Variants in L2HGDH observed in about 807,000 individuals in gnomAD.
L2HGDH encodes the protein L-2-hydroxyglutarate dehydrogenase, mitochondrial.
L2HGDH carries 34 observed loss-of-function variants against 51.5 expected under a neutral mutation model. That is an observed-to-expected ratio of 0.66 (90% CI 0.50 to 0.88). L2HGDH has a LOEUF of 0.88. L2HGDH is among the 40% of genes least tolerant of loss of function. The probability of loss-of-function intolerance (pLI) is 0.00; values close to 1 mark genes in which losing one functional copy is unlikely to be tolerated. For missense variants in L2HGDH, 558 were observed against 571.9 expected, an observed-to-expected ratio of 0.98 and a Z score of 0.25; for synonymous variants, 198 against 197.9, an observed-to-expected ratio of 1.00 and a Z score of -0.01.
In L2HGDH at chr14:50,284,050, A is replaced by G. The variant is rs1890427686; in HGVS notation, c.541-17T>C. The G allele has an allele frequency of 6.2e-7, 1 of 1,605,200 alleles. No individual in the cohort carries two copies. The highest frequency in any genetic ancestry group is 1.1e-5 in the South Asian group (1 of 90,902). On this transcript the variant is annotated splice_polypyrimidine_tract_variant and intron_variant, in intron 4 of 9. Transcript: ENST00000267436. ...CATTAGACCCTGAAACAGAATTATG[A>G]AAAGATAACAGATAAGAGAAATAAT...
intron 9 of L2HGDH, among the ~76,000 whole-genome samples, chr14:50,248,891 G>A (rs1888167519): frequency 6.6e-6 from 1 of 152,192 alleles, no homozygotes; most frequent in African/African-American, 2.4e-5. Flanking sequence ...TTTGAAAGAG[G>A]CATTGAGGAG....
At chr14:50,287,884 G>T (rs143820386) in intron 4 of L2HGDH, among the ~76,000 whole-genome samples, 1 of 151,784 alleles carries the variant, frequency 6.6e-6, no homozygotes, top group East Asian at 1.9e-4. Context: ...TTTTAGTAGA[G>T]ACGGGGTTTA....
intron 8 of L2HGDH, among the ~76,000 whole-genome samples, chr14:50,267,433 C>A (rs1417795705): frequency 6.6e-6 from 1 of 152,156 alleles, no homozygotes; most frequent in Non-Finnish European, 1.5e-5. Flanking sequence ...CCACCTGCCT[C>A]GGCCTCCCAG....
In L2HGDH at chr14:50,265,470, A is replaced by G. The variant is rs748689297; in HGVS notation, c.1084T>C (p.Ser362Pro). The change falls in exon 9 of 10, where the codon TCC becomes CCC. Residue 362 changes from serine (S) to proline (P), a missense_variant. Physicochemically the swap from Ser to Pro is moderately conservative, Grantham distance 74. Coordinates refer to ENST00000267436, the MANE Select transcript of L2HGDH (RefSeq NM_024884.3). ...IINSGLIKLA[S>P]QNFSYGVTEM... ...GTAACTCCATAGGAAAAATTCTGGGATGCCAGTTTAATCAAGCCACTGAAA... is the reference window on the plus strand; with the variant it reads ...GTAACTCCATAGGAAAAATTCTGGGGTGCCAGTTTAATCAAGCCACTGAAA... 1.1e-5 allele frequency: 17 copies of G among 1,613,358 alleles called. No homozygotes were observed. Among genetic ancestry groups the G allele is most frequent in the Non-Finnish European group, 1.4e-5 (17 of 1,179,514 alleles).
chr14:50,278,546 A>G lies in L2HGDH; in HGVS notation c.712T>C (p.Tyr238His), dbSNP rs1890095914. The change falls in exon 6 of 10, where the codon TAT (tyrosine) becomes CAT (histidine). Residue 238 changes from tyrosine to histidine, a missense_variant. This residue lies in a region of L2HGDH where 321 missense variants were observed against 311.8 expected (regional missense o/e 1.03). Coordinates refer to ENST00000267436, the MANE Select transcript of L2HGDH (RefSeq NM_024884.3). Reference protein sequence around the residue: ...SPSRSIDGMQYPIVIKNTKGE... With the variant: ...SPSRSIDGMQHPIVIKNTKGE... ...TTTGTATTCTTTATAACAATTGGAT[A>G]TTGCATTCCTGAAAAAAAAGAATAA... The G allele has an allele frequency of 6.8e-7, 1 of 1,460,778 alleles. No individual in the cohort carries two copies. The highest frequency in any genetic ancestry group is 1.2e-5 in the South Asian group (1 of 83,708). 90.5% of individuals were successfully genotyped at this position (1,460,778 alleles called of 1,614,324 possible).
At chr14:50,285,937 G>A (rs981673197) in intron 4 of L2HGDH, among the ~76,000 whole-genome samples, 1 of 152,136 alleles carries the variant, frequency 6.6e-6, no homozygotes, top group South Asian at 2.1e-4. Flanking sequence ...GTTGTAGAAA[G>A]GTGAAAAGAG....
chr14:50,278,621 C>CTCT lies in L2HGDH; in HGVS notation c.704-68_704-67insAGA, dbSNP rs1383378564. 4 of 842,440 alleles carry CTCT rather than the reference C, an allele frequency of 4.7e-6. No individual in the cohort carries two copies. In the East Asian group the frequency reaches 1.1e-4, roughly 22 times the overall value. 52.2% of individuals were successfully genotyped at this position (842,440 alleles called of 1,614,324 possible). ...GGCCAACATTATTTGAAATATCATA[C>CTCT]TAGAAACAAACTTAAATAACCTTTT... On this transcript the variant is annotated intron_variant, in intron 5 of 9. Coordinates refer to ENST00000267436, the MANE Select transcript of L2HGDH (RefSeq NM_024884.3).
intron 1 of L2HGDH, 139 bp downstream of exon 1, chr14:50,311,872 T>C: frequency 8.6e-7 from 1 of 1,158,038 alleles, no homozygotes; most frequent in Non-Finnish European, 1.2e-6. Context: ...GCTCCTGGGA[T>C]CCGAGGTTGG....
rs201366957 is a variant in L2HGDH, at chr14:50,267,948, C to T, written c.907-38G>A. 2.8e-5 allele frequency: 44 copies of T among 1,587,362 alleles called. No individual in the cohort carries two copies. The African/African-American group carries it at 5.4e-4, about 19-fold the overall frequency. ...CATAGTAAATAACAGCCTCATTTCA[C>T]ATTCCATGTTATCAGAGATGCAAAC... On this transcript the variant is annotated intron_variant, in intron 7 of 9. Transcript: ENST00000267436.
At position 50,242,563 on chromosome 14, in the gene L2HGDH, G is replaced by C; in HGVS notation, c.*4495C>G. On this transcript the variant is annotated 3_prime_UTR_variant, in exon 10 of 10. Coordinates refer to ENST00000267436, the MANE Select transcript of L2HGDH (RefSeq NM_024884.3). ...GAGGCCAGAAAAGTAGAGTTGGTTG[G>C]TATCAACACTGTTCTTCCCTTCAGG... 2.0e-6 allele frequency: 2 copies of C among 984,650 alleles called. No homozygotes were observed. Among genetic ancestry groups the C allele is most frequent in the Non-Finnish European group, 2.4e-6 (2 of 829,208 alleles). The allele number at this position is 984,650 out of a possible 1,614,324, so 61.0% of individuals were successfully genotyped here.
chr14:50,273,095 C>A (rs141522559), intron 6 of L2HGDH, among the ~76,000 whole-genome samples: 25 of 152,288 alleles, frequency 1.6e-4, no homozygotes, highest in Non-Finnish European at 3.5e-4. Flanking sequence ...TACACTGTTT[C>A]ATGTGCAACA....
intron 4 of L2HGDH, among the ~76,000 whole-genome samples, chr14:50,290,750 G>A (rs1288648971): frequency 2.6e-5 from 4 of 151,844 alleles, no homozygotes; most frequent in Admixed American, 6.6e-5. Context: ...TGCAACCTCC[G>A]CCTCCCGGGT....
At chr14:50,303,446 G>A (rs2030539202) in intron 1 of L2HGDH, among the ~76,000 whole-genome samples, 2 of 133,808 alleles carry the variant, frequency 1.5e-5, no homozygotes, top group Non-Finnish European at 3.2e-5. Flanking sequence ...GTGCTGTTTG[G>A]TTTCACATGT....
Position 50,244,392 on chromosome 14 carries a change from G to A in L2HGDH, c.*2666C>T. ...TACAGACTCAAATGGATTGAGGACTGCTTCAATTAGGACAATCATTTTTTG... is the reference window on the plus strand; with the variant it reads ...TACAGACTCAAATGGATTGAGGACTACTTCAATTAGGACAATCATTTTTTG... On this transcript the variant is annotated 3_prime_UTR_variant, in exon 10 of 10. Transcript: ENST00000267436. 1 of 985,280 alleles carries A rather than the reference G, an allele frequency of 1.0e-6. No homozygotes were observed. Among genetic ancestry groups the A allele is most frequent in the Non-Finnish European group, 1.2e-6 (1 of 829,824 alleles). The allele number at this position is 985,280 out of a possible 1,614,324, so 61.0% of individuals were successfully genotyped here.
intron 8 of L2HGDH, among the ~76,000 whole-genome samples, chr14:50,265,925 CAATCAATG>C (rs1236274539): frequency 6.6e-6 from 1 of 151,764 alleles, no homozygotes; most frequent in African/African-American, 2.4e-5. Context: ...ATCAACCAAT[CAATCAATG>C]AATCAATGAA....
At position 50,245,017 on chromosome 14, in the gene L2HGDH, A is replaced by C. The variant is rs2139917237; in HGVS notation, c.*2041T>G. On this transcript the variant is annotated 3_prime_UTR_variant, in exon 10 of 10. Transcript: ENST00000267436. Reference sequence around the variant, plus strand: ...TTTCTAAATTATAAGAATAATTTCGATAGATACCACAAAACACATATATAC... The same window carrying C: ...TTTCTAAATTATAAGAATAATTTCGCTAGATACCACAAAACACATATATAC... The C allele has an allele frequency of 3.0e-6, 3 of 985,676 alleles. No homozygotes were observed. In the South Asian group the frequency reaches 1.4e-4, roughly 46 times the overall value. 61.1% of individuals were successfully genotyped at this position (985,676 alleles called of 1,614,324 possible).
chr14:50,245,637 C>CAA lies in L2HGDH; in HGVS notation c.*1419_*1420dup, dbSNP rs1353248952. On this transcript the variant is annotated 3_prime_UTR_variant, in exon 10 of 10. Coordinates refer to ENST00000267436, the MANE Select transcript of L2HGDH (RefSeq NM_024884.3). The stretch of plus-strand genomic sequence containing the variant: ...AAATAATGTGAGTTTTGTGACTCTT[C>CAA]AAAATTAAAAGAATGTAACCTACAA... The CAA allele has an allele frequency of 1.0e-6, 1 of 980,806 alleles. No individual in the cohort carries two copies. The highest frequency in any genetic ancestry group is 1.2e-6 in the Non-Finnish European group (1 of 825,966). The allele number at this position is 980,806 out of a possible 1,614,324, so 60.8% of individuals were successfully genotyped here.
At chr14:50,271,686 TTAGAGA>T (rs1396323844) in intron 6 of L2HGDH, among the ~76,000 whole-genome samples, 5 of 151,788 alleles carry the variant, frequency 3.3e-5, no homozygotes, top group East Asian at 1.9e-4. Context: ...CTATGTTTTA[TTAGAGA>T]TAAAGTCCCC....
chr14:50,286,316 T>G (rs181479169), intron 4 of L2HGDH, among the ~76,000 whole-genome samples: 3 of 152,304 alleles, frequency 2.0e-5, no homozygotes, highest in African/African-American at 7.2e-5. Flanking sequence ...ACTCTGGGCA[T>G]ACCGCTTATG....
Sources: gnomAD v4.1 joint callset for allele counts (sites outside exome capture counted in the v4.1 genomes callset) on GRCh38, gnomAD v4.1.1 for gene constraint, gnomAD v4.1.1 regional missense constraint, MANE v1.5 for transcripts, NCBI Gene and HGNC (gene_info 2026-07-23, HGNC 2026-07-21) for gene names.